The following ZNF697 variants were observed in gnomAD, a reference collection of about 807,000 sequenced individuals.
The protein encoded by ZNF697 is zinc finger protein 697.
A neutral mutation model predicts 32.4 loss-of-function variants in ZNF697; 23 were observed. The observed-to-expected ratio is 0.71, with a 90% CI of 0.51 to 1.01. The LOEUF is 1.01. ZNF697 is among the 50% of genes least tolerant of loss of function. The pLI is 0.00. For missense variants in ZNF697, 930 were observed against 794.0 expected (o/e 1.17, Z -2.06); for synonymous variants, 418 against 337.2 (o/e 1.24, Z -2.62).
chr1:119,648,202 T>TGGC lies in ZNF697; in HGVS notation c.-550_-549insGCC, dbSNP rs1553230568. Among the ~76,000 whole-genome samples, 3 of 150,298 alleles carry TGGC rather than the reference T, an allele frequency of 2.0e-5. No individual in the cohort carries two copies. The highest frequency in any genetic ancestry group is 2.0e-4 in the Admixed American group (3 of 15,160). Reference sequence around the variant, plus strand: ...GCTGGGTGGCCCGCTGGCTGGCTGGTTGGCTGGCTGGCTGGCTGGCTGGCT... The same window carrying TGGC: ...GCTGGGTGGCCCGCTGGCTGGCTGGTGGCTGGCTGGCTGGCTGGCTGGCTGGCT... On this transcript the variant is annotated 5_prime_UTR_variant, in exon 1 of 3. Coordinates refer to ENST00000421812, the MANE Select transcript of ZNF697 (RefSeq NM_001080470.2).
intron 2 of ZNF697, 51 bp from the exon 3 acceptor site, chr1:119,624,167 A>G: frequency 6.6e-7 from 1 of 1,508,126 alleles, no homozygotes; most frequent in Non-Finnish European, 8.9e-7. Flanking sequence ...GGCATTCAAA[A>G]GATAAGCCCA....
intron 1 of ZNF697, among the ~76,000 whole-genome samples, chr1:119,627,778 T>C (rs1444023302): frequency 6.6e-6 from 1 of 152,140 alleles, no homozygotes. Context: ...TTAGAACGTA[T>C]ACTGTTTAAA....
intron 1 of ZNF697, among the ~76,000 whole-genome samples, chr1:119,630,471 C>T (rs1444232177): frequency 6.6e-6 from 1 of 152,180 alleles, no homozygotes; most frequent in Non-Finnish European, 1.5e-5. Flanking sequence ...GTTTCTAGAA[C>T]TTGTGATATT....
rs1051286715 is a variant in ZNF697, at chr1:119,623,655, C to G, written c.688G>C (p.Glu230Gln). The change falls in exon 3 of 3, where the codon GAG (glutamate) becomes CAG (glutamine). Residue 230 changes from glutamate to glutamine, a missense_variant. Coordinates refer to ENST00000421812, the MANE Select transcript of ZNF697 (RefSeq NM_001080470.2). ...ASLEPFGLAG[E>Q]CDAMVGMMGV... ...ATCATGCCCACCATCGCGTCGCACT[C>G]GCCCGCCAGGCCGAAGGGCTCCAGG... The G allele has an allele frequency of 3.4e-5, 50 of 1,486,376 alleles. No homozygotes were observed. In the East Asian group the frequency reaches 1.3e-3, roughly 38 times the overall value. The allele number at this position is 1,486,376 out of a possible 1,614,324, so 92.1% of individuals were successfully genotyped here.
chr1:119,646,798 C>G (rs1649217851), intron 1 of ZNF697, among the ~76,000 whole-genome samples: 1 of 152,140 alleles, frequency 6.6e-6, no homozygotes, highest in Non-Finnish European at 1.5e-5. Context: ...CTTAGGCATG[C>G]TGAGTTCAGT....
Position 119,623,982 on chromosome 1 carries a change from C to T in ZNF697, c.361G>A (p.Asp121Asn). The change falls in exon 3 of 3, where the codon GAC becomes AAC. Residue 121 changes from aspartate (D) to asparagine (N), a missense_variant. Transcript: ENST00000421812. ...SISRSLREDD[D>N]ESAGENRLEE... ...AGCCGGTTCTCCCCAGCACTCTCGT[C>T]GTCGTCCTCCCGGAGGCTCCGGGAT... 4 of 1,611,124 alleles carry T rather than the reference C, an allele frequency of 2.5e-6. No homozygotes were observed. Among genetic ancestry groups the T allele is most frequent in the Admixed American group, 1.7e-5 (1 of 59,690 alleles).
chr1:119,625,171 G>A (rs760856052), intron 2 of ZNF697, among the ~76,000 whole-genome samples: 20 of 152,226 alleles, frequency 1.3e-4, no homozygotes, highest in East Asian at 9.7e-4. Flanking sequence ...TGTGCACTGC[G>A]GAGGAGGGCA....
At chr1:119,631,335 A>G (rs753934407) in intron 1 of ZNF697, among the ~76,000 whole-genome samples, 1 of 152,216 alleles carries the variant, frequency 6.6e-6, no homozygotes, top group Non-Finnish European at 1.5e-5. Flanking sequence ...GACTCCAGTA[A>G]CTGAGAGGTA....
chr1:119,623,331 C>G lies in ZNF697; in HGVS notation c.1012G>C (p.Ala338Pro). The change falls in exon 3 of 3, where the codon GCG becomes CCG. Residue 338 changes from alanine (A) to proline (P), a missense_variant. Physicochemically the swap from Ala to Pro is conservative, Grantham distance 27. Coordinates refer to ENST00000421812, the MANE Select transcript of ZNF697 (RefSeq NM_001080470.2). ...LSSHLLSHRR[A>P]HAAASGAGAA... ...CCCGCGCCGCTGGCCGCCGCGTGCGCGCGCCGGTGGCTCAACAGATGCGAG... is the reference window on the plus strand; with the variant it reads ...CCCGCGCCGCTGGCCGCCGCGTGCGGGCGCCGGTGGCTCAACAGATGCGAG... 7.5e-7 allele frequency: 1 copy of G among 1,339,506 alleles called. No individual in the cohort carries two copies. Among genetic ancestry groups the G allele is most frequent in the Non-Finnish European group, 9.5e-7 (1 of 1,049,752 alleles). The allele number at this position is 1,339,506 out of a possible 1,614,324, so 83.0% of individuals were successfully genotyped here. A position where few individuals can be genotyped will look rare whatever the true frequency, so the allele number is the denominator to read the frequency against.
Position 119,638,333 on chromosome 1 carries a change from T to C in ZNF697, c.-38+9358A>G, listed in dbSNP as rs587715028. Among the ~76,000 whole-genome samples the C allele has an allele frequency of 2.8e-4, 43 of 152,334 alleles. No individual in the cohort carries two copies. The South Asian group carries it at 7.9e-3, about 28-fold the overall frequency. On this transcript the variant is annotated intron_variant, in intron 1 of 2. Coordinates refer to ENST00000421812, the MANE Select transcript of ZNF697 (RefSeq NM_001080470.2). Reference sequence around the variant, plus strand: ...GGACAACCTCAGCAGACAGTGTTAATTGCTAACATTTAGTTAGTGATCCAG... The same window carrying C: ...GGACAACCTCAGCAGACAGTGTTAACTGCTAACATTTAGTTAGTGATCCAG...
Position 119,623,067 on chromosome 1 carries a change from T to G in ZNF697, c.1276A>C (p.Thr426Pro), listed in dbSNP as rs746456457. ...TCACCCGAGTGCGTGCGCTTGTGCG[T>G]GAAGAGGTGCGAGCTGACGCTGAAG... ...ETFSVSSHLFTHKRTHSGERP... is the reference protein window; with the variant it reads ...ETFSVSSHLFPHKRTHSGERP... The change falls in exon 3 of 3, where the codon ACG (threonine) becomes CCG (proline). Residue 426 changes from threonine to proline, a missense_variant. By Grantham distance (38) the Thr-to-Pro change is conservative. Coordinates refer to ENST00000421812, the MANE Select transcript of ZNF697 (RefSeq NM_001080470.2). 6.3e-7 allele frequency: 1 copy of G among 1,575,830 alleles called. No homozygotes were observed. The highest frequency in any genetic ancestry group is 1.2e-5 in the South Asian group (1 of 86,716).
chr1:119,624,877 A>G (rs1648527869), intron 2 of ZNF697, among the ~76,000 whole-genome samples: 1 of 151,432 alleles, frequency 6.6e-6, no homozygotes, highest in Non-Finnish European at 1.5e-5. Context: ...GGCATGAGCC[A>G]CTGCGCCCAG....
In ZNF697 at chr1:119,648,051, A is replaced by G. The variant is rs1033960801; in HGVS notation, c.-398T>C. On this transcript the variant is annotated 5_prime_UTR_variant, in exon 1 of 3. Transcript: ENST00000421812. ...CCATCCCCGGGAGGCGGTTGAGCCC[A>G]GCCACAGCCACGCTCCTACCTGCGA... Among the ~76,000 whole-genome samples the G allele has an allele frequency of 7.9e-5, 12 of 152,296 alleles. No homozygotes were observed. Among genetic ancestry groups the G allele is most frequent in the African/African-American group, 2.9e-4 (12 of 41,578 alleles).
intron 1 of ZNF697, among the ~76,000 whole-genome samples, chr1:119,627,642 A>G (rs1570939869): frequency 6.6e-6 from 1 of 151,922 alleles, no homozygotes; most frequent in Middle Eastern, 3.4e-3. Context: ...ACCATATTAG[A>G]CTCTTTCTGA....
At chr1:119,640,603 G>A (rs1649041136) in intron 1 of ZNF697, among the ~76,000 whole-genome samples, 2 of 152,216 alleles carry the variant, frequency 1.3e-5, no homozygotes, top group Admixed American at 6.5e-5. Context: ...TGATTCAGCT[G>A]TGCAAACAGA....
At chr1:119,628,077 G>A (rs1334485852) in intron 1 of ZNF697, among the ~76,000 whole-genome samples, 1 of 140,756 alleles carries the variant, frequency 7.1e-6, no homozygotes, top group Non-Finnish European at 1.5e-5. Context: ...GGGGGGCGGG[G>A]GGAGTTAAGA....
chr1:119,646,657 T>C (rs1002127250), intron 1 of ZNF697, among the ~76,000 whole-genome samples: 4 of 152,180 alleles, frequency 2.6e-5, no homozygotes, highest in Admixed American at 2.6e-4. Context: ...TAAAGGTTCA[T>C]TTGGTTCCTC....
intron 1 of ZNF697, among the ~76,000 whole-genome samples, chr1:119,647,131 A>C (rs1457414197): frequency 1.3e-5 from 2 of 152,140 alleles, no homozygotes; most frequent in Non-Finnish European, 2.9e-5. Flanking sequence ...AAAATCGTGG[A>C]AAGTCCCAGA....
Position 119,643,902 on chromosome 1 carries a change from A to T in ZNF697, c.-38+3789T>A, listed in dbSNP as rs587609564. ...ACATGAAAAGGGTGAAAATTAACTA[A>T]GAAAATAATTATCCTCTCTTTCTAT... On this transcript the variant is annotated intron_variant, in intron 1 of 2. Coordinates refer to ENST00000421812, the MANE Select transcript of ZNF697 (RefSeq NM_001080470.2). Among the ~76,000 whole-genome samples the T allele has an allele frequency of 3.9e-5, 6 of 152,364 alleles. 1 individual carries two copies. The South Asian group carries it at 1.2e-3, about 32-fold the overall frequency.
Sources: allele counts gnomAD v4.1 joint callset (sites outside exome capture counted in the v4.1 genomes callset), GRCh38; gene constraint gnomAD v4.1.1; transcripts MANE v1.5; gene names NCBI Gene and HGNC (gene_info 2026-07-23, HGNC 2026-07-21).